The following PCDH15 variants were observed in gnomAD, a reference collection of about 807,000 sequenced individuals.
The protein encoded by PCDH15 is protocadherin-15.
Under a neutral mutation model 178.5 loss-of-function variants are expected in PCDH15, and 129 were observed. The observed-to-expected ratio is 0.72, with a 90% CI of 0.63 to 0.84. The LOEUF is 0.84. PCDH15 is among the 40% of genes least tolerant of loss of function. PCDH15 has a pLI of 0.00. For missense variants in PCDH15, 2,230 were observed against 2,099.9 expected (o/e 1.06, Z -1.21); for synonymous variants, 800 against 732.0 (o/e 1.09, Z -1.50).
At chr10:54,638,823 G>C (rs1392123519) in intron 2 of PCDH15, among the ~76,000 whole-genome samples, 1 of 151,790 alleles carries the variant, frequency 6.6e-6, no homozygotes, top group African/African-American at 2.4e-5. Flanking sequence ...AAGAAAACAT[G>C]GTATATAGAC....
chr10:53,997,511 C>T (rs915682065), intron 20 of PCDH15, among the ~76,000 whole-genome samples: 1 of 152,090 alleles, frequency 6.6e-6, no homozygotes, highest in Non-Finnish European at 1.5e-5. Context: ...CCAATGAGCT[C>T]ATTATGTTCT....
intron 2 of PCDH15, among the ~76,000 whole-genome samples, chr10:55,391,494 T>G (rs549856503): frequency 4.3e-4 from 65 of 151,434 alleles, no homozygotes; most frequent in African/African-American, 1.5e-3. Context: ...GCTTCTTTTT[T>G]GGGGGGTGGG....
intron 21 of PCDH15, among the ~76,000 whole-genome samples, chr10:53,992,841 A>G (rs1911420): frequency 0.81 from 122,508 of 152,168 alleles, 49,951 homozygotes; most frequent in East Asian, 0.95. Context: ...AATTTAGTAG[A>G]GGGAAAAGTT....
chr10:54,762,181 T>C (rs1334108369), intron 1 of PCDH15, among the ~76,000 whole-genome samples: 1 of 130,122 alleles, frequency 7.7e-6, no homozygotes, highest in Non-Finnish European at 1.7e-5. Flanking sequence ...ATATTACAGA[T>C]TAAAATTGTC....
intron 3 of PCDH15, among the ~76,000 whole-genome samples, chr10:54,819,862 TGAA>T (rs748004592): frequency 3.6e-4 from 55 of 152,186 alleles, no homozygotes; most frequent in Admixed American, 6.6e-4. Context: ...TCCTTCTCTG[TGAA>T]GAAGAAGTGT....
intron 1 of PCDH15, among the ~76,000 whole-genome samples, chr10:55,252,900 T>G (rs1395959336): frequency 6.6e-6 from 1 of 152,106 alleles, no homozygotes; most frequent in Non-Finnish European, 1.5e-5. Flanking sequence ...AATAATGATA[T>G]TCATCAATAA....
chr10:55,501,911 A>G (rs1050862120), intron 2 of PCDH15, among the ~76,000 whole-genome samples: 4 of 151,734 alleles, frequency 2.6e-5, no homozygotes, highest in Admixed American at 2.0e-4. Context: ...TAATGAAAAA[A>G]CAATCTTTTA....
intron 3 of PCDH15, among the ~76,000 whole-genome samples, chr10:54,826,846 T>C (rs1197905253): frequency 6.6e-6 from 1 of 152,120 alleles, no homozygotes; most frequent in African/African-American, 2.4e-5. Context: ...TACTAACTAC[T>C]ATTCCCTCCC....
intron 2 of PCDH15, among the ~76,000 whole-genome samples, chr10:55,458,156 G>A (rs1026618995): frequency 1.1e-4 from 17 of 151,864 alleles, no homozygotes; most frequent in African/African-American, 4.1e-4. Context: ...ATTCCAAAGG[G>A]ATCCTTTAAC....
intron 25 of PCDH15, among the ~76,000 whole-genome samples, chr10:53,932,711 T>C (rs2085180314): frequency 1.3e-5 from 2 of 152,196 alleles, no homozygotes; most frequent in Admixed American, 1.3e-4. Flanking sequence ...TCGAGAGTAA[T>C]GGTGTTCAGA....
chr10:54,829,707 T>C (rs1426550048), intron 3 of PCDH15, among the ~76,000 whole-genome samples: 3 of 152,084 alleles, frequency 2.0e-5, no homozygotes, highest in African/African-American at 7.2e-5. Flanking sequence ...TGTTTCCTAG[T>C]TGTCTAACTC....
chr10:54,792,752 A>G (rs752412555), intron 1 of PCDH15, among the ~76,000 whole-genome samples: 46 of 151,772 alleles, frequency 3.0e-4, no homozygotes, highest in Non-Finnish European at 5.7e-4. Flanking sequence ...TTGTCTATCT[A>G]TCTACAGATA....
At chr10:55,288,703 G>T (rs1842935171) in intron 1 of PCDH15, among the ~76,000 whole-genome samples, 1 of 151,888 alleles carries the variant, frequency 6.6e-6, no homozygotes, top group African/African-American at 2.4e-5. Context: ...ACAAATTGCA[G>T]GATCTCCTTT....
chr10:55,293,420 T>A (rs1478758472), intron 1 of PCDH15, among the ~76,000 whole-genome samples: 2 of 152,232 alleles, frequency 1.3e-5, no homozygotes, highest in African/African-American at 2.4e-5. Flanking sequence ...AACTCCGTCT[T>A]ACTTATGCAA....
At chr10:54,820,212 C>A (rs78963379) in intron 3 of PCDH15, among the ~76,000 whole-genome samples, 6,305 of 152,028 alleles carry the variant, frequency 0.041, 387 homozygotes, top group African/African-American at 0.14. Flanking sequence ...GTGTAACTAC[C>A]TTTGCTTTCA....
chr10:54,315,306 T>G (rs1267199453), intron 8 of PCDH15, among the ~76,000 whole-genome samples: 1 of 152,220 alleles, frequency 6.6e-6, no homozygotes, highest in Non-Finnish European at 1.5e-5. Flanking sequence ...TAACTGTTTT[T>G]CATTTTTTTA....
intron 2 of PCDH15, among the ~76,000 whole-genome samples, chr10:54,955,832 T>A (rs1011640782): frequency 3.3e-5 from 5 of 151,246 alleles, no homozygotes; most frequent in African/African-American, 1.2e-4. Flanking sequence ...ATCAACATGC[T>A]CTGACTAAAA....
At chr10:55,420,363 G>C (rs1838591276) in intron 2 of PCDH15, among the ~76,000 whole-genome samples, 1 of 151,690 alleles carries the variant, frequency 6.6e-6, no homozygotes, top group Non-Finnish European at 1.5e-5. Flanking sequence ...ACATTTTACA[G>C]AAGAGTTTGC....
intron 9 of PCDH15, among the ~76,000 whole-genome samples, chr10:54,228,663 A>G (rs1020152323): frequency 1.3e-5 from 2 of 152,164 alleles, no homozygotes; most frequent in Non-Finnish European, 2.9e-5. Flanking sequence ...GTAATGTTTG[A>G]TGGCAGGAGA....
Sources: gnomAD v4.1 joint callset for allele counts (sites outside exome capture counted in the v4.1 genomes callset) on GRCh38, gnomAD v4.1.1 for gene constraint, MANE v1.5 for transcripts, NCBI Gene and HGNC (gene_info 2026-07-23, HGNC 2026-07-21) for gene names.